INPP5D: variants seen among roughly 807,000 people sequenced by gnomAD.
INPP5D encodes inositol polyphosphate-5-phosphatase D, also known as phosphatidylinositol 3,4,5-trisphosphate 5-phosphatase 1.
A neutral mutation model predicts 122.9 loss-of-function variants in INPP5D; 33 were observed. The observed-to-expected ratio is 0.27, with a 90% confidence interval of 0.20 to 0.36. The LOEUF (loss-of-function observed/expected upper bound fraction) is 0.36. Ranked by LOEUF, INPP5D falls within the 10% of genes least tolerant of loss-of-function variation. INPP5D has a pLI of 1.00. For missense variants in INPP5D, 1,053 were observed against 1,412.7 expected, an observed-to-expected ratio of 0.75 and a Z score of 4.08; for synonymous variants, 584 against 576.2, an observed-to-expected ratio of 1.01 and a Z score of -0.19.
chr2:233,076,083 G>A lies in INPP5D; in HGVS notation c.135-3252G>A, dbSNP rs947923904. On this transcript the variant is annotated intron_variant, in intron 1 of 26. Coordinates refer to ENST00000445964, the MANE Select transcript of INPP5D (RefSeq NM_001017915.3). ...TGCGCCTGCCTCTGACTCTCCCTTC[G>A]TGATTATGTTCTTTCTCTCTGTCTA... is the stretch of plus-strand genomic sequence containing the variant. 3.3e-5 allele frequency among the ~76,000 whole-genome samples: 5 copies of A among 152,244 alleles called. No individual in the cohort carries two copies. In the South Asian group the frequency reaches 6.2e-4, roughly 19 times the overall value.
chr2:233,110,767 A>C (rs556424195), intron 2 of INPP5D, among the ~76,000 whole-genome samples: 3 of 152,276 alleles, frequency 2.0e-5, no homozygotes, highest in Non-Finnish European at 4.4e-5. Context: ...CTACTAAAAA[A>C]TACAAAAATT....
At chr2:233,092,304 C>T (rs572750549) in intron 2 of INPP5D, among the ~76,000 whole-genome samples, 1 of 152,296 alleles carries the variant, frequency 6.6e-6, no homozygotes, top group Non-Finnish European at 1.5e-5. Flanking sequence ...TTCTGTCTTC[C>T]CCAGAGTACC....
At chr2:233,083,352 T>C (rs1691740263) in intron 2 of INPP5D, among the ~76,000 whole-genome samples, 1 of 152,184 alleles carries the variant, frequency 6.6e-6, no homozygotes, top group African/African-American at 2.4e-5. Context: ...ATGGGCTTCA[T>C]GTCTTCAGGG....
At chr2:233,161,656 T>C (rs536827460) in intron 10 of INPP5D, 68 bp from the exon 11 acceptor site, 1 of 1,494,172 alleles carries the variant, frequency 6.7e-7, no homozygotes, top group African/African-American at 1.4e-5. Flanking sequence ...GCTGACCAAG[T>C]CCTTTGCAAA....
At chr2:233,123,017 A>G (rs1200870819) in intron 3 of INPP5D, among the ~76,000 whole-genome samples, 1 of 152,244 alleles carries the variant, frequency 6.6e-6, no homozygotes, top group Non-Finnish European at 1.5e-5. Flanking sequence ...GGTCATTAGC[A>G]TGATTACAAT....
At chr2:233,071,675 C>T (rs931147824) in intron 1 of INPP5D, among the ~76,000 whole-genome samples, 3 of 151,990 alleles carry the variant, frequency 2.0e-5, no homozygotes, top group African/African-American at 7.3e-5. Flanking sequence ...ATATGGTTGT[C>T]CCTGTTATTT....
intron 24 of INPP5D, 96 bp downstream of exon 24, chr2:233,195,591 A>G: frequency 6.4e-7 from 1 of 1,566,130 alleles, no homozygotes; most frequent in East Asian, 2.3e-5. Context: ...TCACGCCCAT[A>G]ATCCCGGCAC....
intron 9 of INPP5D, 54 bp from the exon 10 acceptor site, chr2:233,158,259 C>A (rs1406910323): frequency 8.9e-6 from 6 of 675,608 alleles, no homozygotes; most frequent in Non-Finnish European, 1.6e-5. Context: ...TGGAGACCGT[C>A]CATATTGGTT....
chr2:233,134,585 A>G lies in INPP5D; in HGVS notation c.665+3937A>G, dbSNP rs140799156. ...TCTGGCGTGAAGATCTCTTTGCAGT[A>G]CAAAGCATCAGGCAAGATTTGCAAC... is the stretch of plus-strand genomic sequence containing the variant. On this transcript the variant is annotated intron_variant, in intron 5 of 26. Coordinates refer to ENST00000445964, the MANE Select transcript of INPP5D (RefSeq NM_001017915.3). Among the ~76,000 whole-genome samples the G allele has an allele frequency of 7.2e-3, 1,100 of 152,288 alleles. 19 individuals are homozygous for G. The highest frequency in any genetic ancestry group is 0.025 in the African/African-American group (1,058 of 41,544).
Position 233,196,629 on chromosome 2 carries a change from G to A in INPP5D, c.2693+1134G>A, listed in dbSNP as rs148752198. On this transcript the variant is annotated intron_variant, in intron 24 of 26. Transcript: ENST00000445964. Reference sequence around the variant, plus strand: ...CTTGGCAGAGACTGAACTGAGAATAGTACAGATGTTAAAGTCTGTATTACC... The same window carrying A: ...CTTGGCAGAGACTGAACTGAGAATAATACAGATGTTAAAGTCTGTATTACC... Among the ~76,000 whole-genome samples the A allele has an allele frequency of 3.5e-3, 527 of 152,270 alleles. 11 individuals are homozygous for A. Among genetic ancestry groups the A allele is most frequent in the Middle Eastern group, 3.4e-3 (1 of 294 alleles).
In INPP5D at chr2:233,125,886, T is replaced by C; in HGVS notation, c.491T>C (p.Leu164Ser). The C allele has an allele frequency of 6.2e-7, 1 of 1,613,416 alleles. No individual in the cohort carries two copies. The highest frequency in any genetic ancestry group is 8.5e-7 in the Non-Finnish European group (1 of 1,179,764). The change falls in exon 4 of 27, where the codon TTG becomes TCG. Residue 164 changes from leucine to serine, a missense_variant. By Grantham distance (145) the Leu-to-Ser change is moderately radical (BLOSUM62 -2). Transcript: ENST00000445964. ...AGCCGGCCGAGCCTCTCCGAGACAT[T>C]GTTCCAGCGACTGCAAAGCATGGAC... is the stretch of plus-strand genomic sequence containing the variant. ...ETSRPSLSETLFQRLQSMDTS... is the reference protein window; with the variant it reads ...ETSRPSLSETSFQRLQSMDTS...
intron 1 of INPP5D, among the ~76,000 whole-genome samples, chr2:233,076,814 A>G (rs1168772138): frequency 6.6e-6 from 1 of 152,254 alleles, no homozygotes; most frequent in Admixed American, 6.5e-5. Flanking sequence ...AAAGCAAGTT[A>G]TCATTCTCAC....
rs773507578 is a variant in INPP5D at position 233,198,267 on chromosome 2, T to C, written c.2866T>C (p.Cys956Arg). 2 of 1,613,482 alleles carry C rather than the reference T, an allele frequency of 1.2e-6. No individual in the cohort carries two copies. The highest frequency in any genetic ancestry group is 2.2e-5 in the South Asian group (2 of 91,086). Residue 956 changes from cysteine (C) to arginine (R), a missense_variant, in exon 25 of 27, where the codon TGC becomes CGC. Around this residue, in one of 6 missense-constraint regions of INPP5D, gnomAD observed 417 missense variants for 425.8 expected, o/e 0.98. Coordinates refer to ENST00000445964, the MANE Select transcript of INPP5D (RefSeq NM_001017915.3). ...GCCCAAGGACTCCCCGCTGGGGCCC[T>C]GCAGGGGAGAAAGTCCTCCGACACC... The part of the protein sequence containing the change: ...QPPKDSPLGP[C>R]RGESPPTPPG...
chr2:233,124,843 C>A (rs988418185), intron 3 of INPP5D, among the ~76,000 whole-genome samples: 1 of 152,360 alleles, frequency 6.6e-6, no homozygotes, highest in South Asian at 2.1e-4. Flanking sequence ...GTTGTCGGCT[C>A]GAACCAGAGC....
intron 11 of INPP5D, 109 bp from the exon 12 acceptor site, chr2:233,163,598 T>A (rs751861631): frequency 1.1e-5 from 17 of 1,563,472 alleles, no homozygotes; most frequent in Admixed American, 6.2e-5. Context: ...TGGATGGTCT[T>A]GTGTAATGAC....
intron 2 of INPP5D, among the ~76,000 whole-genome samples, chr2:233,085,411 T>C (rs1691804319): frequency 6.6e-6 from 1 of 151,610 alleles, no homozygotes; most frequent in Non-Finnish European, 1.5e-5. Flanking sequence ...GAATGTAGCG[T>C]TATGAATAGT....
chr2:233,198,930 A>G (rs181094286), intron 25 of INPP5D, among the ~76,000 whole-genome samples: 1 of 144,266 alleles, frequency 6.9e-6, no homozygotes, highest in Non-Finnish European at 1.5e-5. Flanking sequence ...AGCCTGGGCA[A>G]CAAGACTGAA....
intron 24 of INPP5D, among the ~76,000 whole-genome samples, chr2:233,195,962 C>G (rs1358165843): frequency 6.6e-6 from 1 of 152,142 alleles, no homozygotes; most frequent in Non-Finnish European, 1.5e-5. Context: ...CAGACCGAGA[C>G]TCTGTCTCAA....
intron 2 of INPP5D, 138 bp from the exon 3 acceptor site, chr2:233,121,969 C>A: frequency 1.1e-6 from 1 of 910,272 alleles, no homozygotes; most frequent in Non-Finnish European, 1.7e-6. Context: ...GGTCACACAC[C>A]CTGCGTAGGA....
Sources: gnomAD v4.1 joint callset for allele counts (sites outside exome capture counted in the v4.1 genomes callset) on GRCh38, gnomAD v4.1.1 for gene constraint, gnomAD v4.1.1 regional missense constraint, MANE v1.5 for transcripts, NCBI Gene and HGNC (gene_info 2026-07-23, HGNC 2026-07-21) for gene names.